ATP13A5: variants seen among roughly 807,000 people sequenced by gnomAD.
ATP13A5 encodes ATPase 13A5, also known as probable cation-transporting ATPase 13A5.
ATP13A5 carries 149 observed loss-of-function variants against 150.2 expected under a neutral mutation model. The ratio of observed to expected loss-of-function variants is 0.99; its 90% CI spans 0.87 to 1.14. The LOEUF is 1.14. Among genes scored for constraint, ATP13A5 ranks in the 50% most tolerant of loss-of-function variants. The pLI is 0.00. For synonymous variants in ATP13A5, 497 were observed against 522.2 expected (o/e 0.95, Z 0.66); for missense variants, 1,383 against 1,449.3 (o/e 0.95, Z 0.74).
intron 17 of ATP13A5, 126 bp downstream of exon 17, chr3:193,318,864 CT>C: frequency 1.5e-6 from 1 of 678,252 alleles, no homozygotes; most frequent in Non-Finnish European, 2.6e-6. Context: ...AGTCAGGGGA[CT>C]GTACAAGATT....
At position 193,335,098 on chromosome 3, in the gene ATP13A5, T is replaced by A; in HGVS notation, c.945A>T (p.Gly315=). 2 of 1,613,458 alleles carry A rather than the reference T, an allele frequency of 1.2e-6. No homozygotes were observed. Among genetic ancestry groups the A allele is most frequent in the Non-Finnish European group, 1.7e-6 (2 of 1,179,510 alleles). ...GTGTCTTTGTAACAGGTATACTTTC[T>A]CCTAAAGAGGATTGTATTTTGTTGA... ...SCVVNEGMLT[G]ESIPVTKTPL... is the part of the protein sequence containing the mutation. Residue 315 remains glycine (G), a splice_region_variant and synonymous_variant, in exon 10 of 30, where the codon GGA becomes GGT. Coordinates refer to ENST00000342358, the MANE Select transcript of ATP13A5 (RefSeq NM_198505.4).
At chr3:193,312,474 C>G (rs1451957595) in intron 19 of ATP13A5, among the ~76,000 whole-genome samples, 1 of 152,218 alleles carries the variant, frequency 6.6e-6, no homozygotes, top group East Asian at 1.9e-4. Flanking sequence ...CTCTTCCATA[C>G]TCTACATCCC....
intron 9 of ATP13A5, among the ~76,000 whole-genome samples, chr3:193,340,099 G>T (rs1199624021): frequency 6.6e-6 from 1 of 152,206 alleles, no homozygotes; most frequent in Non-Finnish European, 1.5e-5. Flanking sequence ...GGCAGCTGAA[G>T]AGAGTTTTAG....
chr3:193,352,726 A>G (rs1410248446), intron 6 of ATP13A5, among the ~76,000 whole-genome samples: 1 of 152,218 alleles, frequency 6.6e-6, no homozygotes, highest in Non-Finnish European at 1.5e-5. Flanking sequence ...ACCGAAAACT[A>G]GTCTAAAAAA....
chr3:193,330,940 T>TAA (rs1300111245), intron 12 of ATP13A5, among the ~76,000 whole-genome samples, 183 bp downstream of exon 12: 1 of 152,172 alleles, frequency 6.6e-6, no homozygotes, highest in African/African-American at 2.4e-5. Context: ...GCTGCTAACC[T>TAA]TAAGAGTCAG....
At chr3:193,294,261 C>T (rs557549654) in intron 25 of ATP13A5, among the ~76,000 whole-genome samples, 1 of 152,168 alleles carries the variant, frequency 6.6e-6, no homozygotes, top group East Asian at 1.9e-4. Context: ...GTGTTCTAGT[C>T]ATCCTCAGAT....
At chr3:193,283,095 A>G (rs1359575693) in intron 27 of ATP13A5, among the ~76,000 whole-genome samples, 4 of 152,178 alleles carry the variant, frequency 2.6e-5, no homozygotes, top group Non-Finnish European at 5.9e-5. Context: ...AACAATGCAT[A>G]ATATAAATGA....
At chr3:193,293,248 C>T (rs1328537117) in intron 25 of ATP13A5, among the ~76,000 whole-genome samples, 2 of 152,074 alleles carry the variant, frequency 1.3e-5, no homozygotes, top group Non-Finnish European at 2.9e-5. Context: ...GACAGTAGTA[C>T]CATTTATGAG....
rs184841429 is a variant in ATP13A5, at chr3:193,359,760, C to T, written c.536+2621G>A. 2.3e-3 allele frequency among the ~76,000 whole-genome samples: 354 copies of T among 152,058 alleles called. 4 individuals are homozygous for T. Among genetic ancestry groups the T allele is most frequent in the African/African-American group, 7.9e-3 (329 of 41,470 alleles). On this transcript the variant is annotated intron_variant, in intron 5 of 29. Transcript: ENST00000342358. Reference sequence around the variant, plus strand: ...TTCTTCCTGAGAGCTAGGTCACCAGCAAGGTGATTGGTCTGGACTTAACCT... The same window carrying T: ...TTCTTCCTGAGAGCTAGGTCACCAGTAAGGTGATTGGTCTGGACTTAACCT...
At position 193,323,150 on chromosome 3, in the gene ATP13A5, A is replaced by G. The variant is rs534065344; in HGVS notation, c.1675-576T>C. 3.3e-5 allele frequency: 5 copies of G among 152,506 alleles called. No homozygotes were observed. In the South Asian group the frequency reaches 1.0e-3, roughly 32 times the overall value. 9.4% of individuals were successfully genotyped at this position (152,506 alleles called of 1,614,324 possible). The stretch of plus-strand genomic sequence containing the variant: ...TAAAATATGGGAAAGACAGTCATAT[A>G]TATAAATAGTAGAGGTCAGAAAACA... On this transcript the variant is annotated intron_variant, in intron 14 of 29. Transcript: ENST00000342358.
chr3:193,307,944 G>A (rs1296969854), intron 21 of ATP13A5, among the ~76,000 whole-genome samples: 4 of 152,076 alleles, frequency 2.6e-5, no homozygotes, highest in Admixed American at 1.3e-4. Flanking sequence ...AAATTAATAC[G>A]GCTGCCAAAG....
intron 5 of ATP13A5, 44 bp downstream of exon 5, chr3:193,362,337 T>C: frequency 2.0e-6 from 3 of 1,532,790 alleles, no homozygotes; most frequent in Non-Finnish European, 2.7e-6. Flanking sequence ...ATACTTCATT[T>C]TCTGCTGGCA....
chr3:193,311,691 CT>C, intron 20 of ATP13A5, 124 bp downstream of exon 20: 1 of 1,371,922 alleles, frequency 7.3e-7, no homozygotes, highest in Non-Finnish European at 9.8e-7. Context: ...AGCAGTACTC[CT>C]TTGGGGGTGT....
At chr3:193,353,510 T>C (rs1341089179) in intron 6 of ATP13A5, among the ~76,000 whole-genome samples, 2 of 152,146 alleles carry the variant, frequency 1.3e-5, no homozygotes, top group Non-Finnish European at 2.9e-5. Flanking sequence ...GGACTGAACA[T>C]TTGTGTCCCC....
intron 15 of ATP13A5, among the ~76,000 whole-genome samples, chr3:193,322,188 T>C (rs12493766): frequency 0.013 from 1,915 of 152,346 alleles, 26 homozygotes; most frequent in Admixed American, 0.029. Flanking sequence ...CACATTGTGT[T>C]GCACTTATCT....
chr3:193,373,187 G>A (rs1330272504), intron 1 of ATP13A5, among the ~76,000 whole-genome samples: 1 of 152,052 alleles, frequency 6.6e-6, no homozygotes, highest in African/African-American at 2.4e-5. Context: ...TGCCCAGGCT[G>A]GACTGCAATG....
intron 12 of ATP13A5, among the ~76,000 whole-genome samples, chr3:193,327,589 A>G (rs1719510588): frequency 6.6e-6 from 1 of 152,246 alleles, no homozygotes; most frequent in African/African-American, 2.4e-5. Flanking sequence ...GTAAATGCTA[A>G]TAATAAATAT....
chr3:193,345,019 G>A lies in ATP13A5; in HGVS notation c.798C>T (p.Ile266=), dbSNP rs777089034. ...VEDHNKVQVT[I]IVKDKGLEEL... ...ATCACTTACCTTTGTCTTTTACAAT[G>A]ATTGTAACCTGGACTTTGTTGTGGT... The change falls in exon 8 of 30, where the codon ATC becomes ATT. Residue 266 remains isoleucine (I), a synonymous_variant. Coordinates refer to ENST00000342358, the MANE Select transcript of ATP13A5 (RefSeq NM_198505.4). The A allele has an allele frequency of 3.7e-6, 6 of 1,613,542 alleles. No individual in the cohort carries two copies. In the East Asian group the frequency reaches 1.1e-4, roughly 30 times the overall value.
chr3:193,362,558 T>G lies in ATP13A5; in HGVS notation c.455+9A>C. ...TCCTGACCAAGGGGTGACAAAACATTGTACTTACCCAACTTTCTGAAACCG... is the reference window on the plus strand; with the variant it reads ...TCCTGACCAAGGGGTGACAAAACATGGTACTTACCCAACTTTCTGAAACCG... On this transcript the variant is annotated intron_variant, in intron 4 of 29. Transcript: ENST00000342358. The G allele has an allele frequency of 6.2e-7, 1 of 1,613,882 alleles. No individual in the cohort carries two copies. Among genetic ancestry groups the G allele is most frequent in the Non-Finnish European group, 8.5e-7 (1 of 1,179,956 alleles).
Sources: allele counts gnomAD v4.1 joint callset (sites outside exome capture counted in the v4.1 genomes callset), GRCh38; gene constraint gnomAD v4.1.1; transcripts MANE v1.5; gene names NCBI Gene and HGNC (gene_info 2026-07-23, HGNC 2026-07-21).